DMD: variants seen among roughly 807,000 people sequenced by gnomAD.
DMD encodes mutant dystrophin.
In DMD, 63 loss-of-function variants were observed where a neutral mutation model predicts 330.1. That is an observed-to-expected ratio of 0.19 (90% CI 0.16 to 0.24). The LOEUF (loss-of-function observed/expected upper bound fraction) is 0.24. Among genes scored for constraint, DMD ranks in the 10% least tolerant of loss-of-function variants. The pLI is 1.00. For synonymous variants in DMD, 1,223 were observed against 959.8 expected (o/e 1.27, Z -5.07); for missense variants, 3,344 against 2,684.1 (o/e 1.25, Z -5.43).
chrX:31,611,648 G>A (rs1242498863), intron 55 of DMD, among the ~76,000 whole-genome samples: 1 of 111,269 alleles, frequency 9.0e-6, no homozygotes, highest in East Asian at 2.8e-4. Flanking sequence ...GCTTCCTCCA[G>A]TTCCTGGGTT....
At chrX:31,591,047 C>T (rs1050042788) in intron 55 of DMD, among the ~76,000 whole-genome samples, 4 of 111,366 alleles carry the variant, frequency 3.6e-5, no homozygotes, top group African/African-American at 9.8e-5. Context: ...AACTGAGTTG[C>T]GCTGTAAGAG....
At chrX:32,382,972 T>C (rs1448123678) in intron 33 of DMD, among the ~76,000 whole-genome samples, 4 of 111,150 alleles carry the variant, frequency 3.6e-5, no homozygotes, top group South Asian at 7.4e-4. Context: ...AATGTTTTAG[T>C]AGTCATTGTT....
chrX:31,782,660 T>A (rs923479967), intron 50 of DMD, among the ~76,000 whole-genome samples: 1 of 111,709 alleles, frequency 9.0e-6, no homozygotes, highest in Non-Finnish European at 1.9e-5. Context: ...CAGCAATAGA[T>A]AGCTGACACA....
chrX:31,372,080 G>C (rs2178618), intron 60 of DMD, among the ~76,000 whole-genome samples: 1 of 110,622 alleles, frequency 9.0e-6, no homozygotes, highest in African/African-American at 3.3e-5. Flanking sequence ...GAGCTTAATG[G>C]GGGTGCTGGT....
Position 31,121,442 on chromosome X carries a change from ATG to A in DMD, c.*475_*476del, listed in dbSNP as rs386416845. 3.6e-3 allele frequency: 459 copies of A among 126,079 alleles called. No individual in the cohort carries two copies. Among genetic ancestry groups the A allele is most frequent in the South Asian group, 7.6e-3 (33 of 4,317 alleles). 10.4% of individuals were successfully genotyped at this position (126,079 alleles called of 1,213,427 possible). On this transcript the variant is annotated 3_prime_UTR_variant, in exon 79 of 79. Transcript: ENST00000357033. ...CTCAAAGTTTTGTGTGTGTGTGTGT[ATG>A]TGTGTGTGTGTGTGTTTGTTTTGTT...
At chrX:32,282,053 T>C (rs1468297200) in intron 43 of DMD, among the ~76,000 whole-genome samples, 1 of 112,141 alleles carries the variant, frequency 8.9e-6, no homozygotes, top group Non-Finnish European at 1.9e-5. Flanking sequence ...AATAATGCCA[T>C]CTTATGGCTG....
intron 61 of DMD, among the ~76,000 whole-genome samples, chrX:31,336,869 A>G (rs750288240): frequency 2.7e-4 from 30 of 111,392 alleles, no homozygotes; most frequent in Non-Finnish European, 4.1e-4. Context: ...GCATATACAG[A>G]AAGAAGCAAA....
chrX:32,880,446 C>CA lies in DMD; in HGVS notation c.94-30627dup, dbSNP rs754809184. On this transcript the variant is annotated intron_variant, in intron 2 of 78. Transcript: ENST00000357033. ...TAAGTTTCTAGTCTATAGTTGATAT[C>CA]AATTTCAACCCCAATACAACCCTAG... is the stretch of plus-strand genomic sequence containing the variant. 7.5e-3 allele frequency among the ~76,000 whole-genome samples: 836 copies of CA among 111,476 alleles called. 3 individuals carry two copies. The highest frequency in any genetic ancestry group is 0.026 in the African/African-American group (786 of 30,690).
chrX:32,076,662 A>G (rs576886429), intron 44 of DMD, among the ~76,000 whole-genome samples: 3 of 111,861 alleles, frequency 2.7e-5, no homozygotes, highest in African/African-American at 9.7e-5. Context: ...TACAGGCGTG[A>G]GCCACCCTGC....
intron 1 of DMD, among the ~76,000 whole-genome samples, chrX:33,300,098 C>A (rs886537797): frequency 8.9e-6 from 1 of 112,288 alleles, no homozygotes; most frequent in Admixed American, 9.5e-5. Flanking sequence ...CCTATATATT[C>A]CCAGTGGAAA....
chrX:33,136,770 TTCTGCAGCAATAAA>T (rs2095530183), intron 1 of DMD, among the ~76,000 whole-genome samples: 1 of 110,721 alleles, frequency 9.0e-6, no homozygotes, highest in Non-Finnish European at 1.9e-5. Context: ...GCAGAAACAG[TTCTGCAGCAATAAA>T]TCTTCGTTGT....
chrX:31,201,158 TACACACACACACACACAC>T (rs57235865), intron 67 of DMD, among the ~76,000 whole-genome samples: 2 of 98,281 alleles, frequency 2.0e-5, no homozygotes, highest in Admixed American at 1.1e-4. Context: ...AGAGACCCTG[TACACACACACACACACAC>T]ACACACACAC....
chrX:32,866,326 T>C (rs1044303246), intron 2 of DMD, among the ~76,000 whole-genome samples: 6 of 112,551 alleles, frequency 5.3e-5, no homozygotes, highest in South Asian at 3.7e-4. Flanking sequence ...AATAGTATGT[T>C]GGTTGTTTTA....
intron 29 of DMD, among the ~76,000 whole-genome samples, chrX:32,436,196 A>G (rs1052154884): frequency 8.9e-6 from 1 of 111,793 alleles, no homozygotes; most frequent in Admixed American, 9.5e-5. Flanking sequence ...TTTCCATATT[A>G]GTTCCTTGTT....
chrX:32,636,855 G>A (rs964100935), intron 11 of DMD, among the ~76,000 whole-genome samples: 7 of 109,506 alleles, frequency 6.4e-5, no homozygotes, highest in Admixed American at 9.8e-5. Context: ...AAAGTTAGCC[G>A]AGCGTGGTGG....
intron 44 of DMD, among the ~76,000 whole-genome samples, chrX:32,033,125 C>T (rs1264355894): frequency 8.9e-6 from 1 of 111,957 alleles, no homozygotes; most frequent in Non-Finnish European, 1.9e-5. Flanking sequence ...ACAAGACAGA[C>T]ACAGACAAAT....
chrX:32,514,843 C>A (rs2045702193), intron 18 of DMD, among the ~76,000 whole-genome samples: 1 of 112,511 alleles, frequency 8.9e-6, no homozygotes, highest in Non-Finnish European at 1.9e-5. Context: ...ATGAGAGAAA[C>A]AACAGCTTTT....
At chrX:31,575,538 C>T (rs1396135635) in intron 55 of DMD, among the ~76,000 whole-genome samples, 3 of 111,883 alleles carry the variant, frequency 2.7e-5, no homozygotes, top group Admixed American at 1.9e-4. Context: ...AAGAAGGGCA[C>T]ATCAGGATTT....
At chrX:32,445,665 T>C (rs1163617105) in intron 27 of DMD, among the ~76,000 whole-genome samples, 2 of 110,486 alleles carry the variant, frequency 1.8e-5, no homozygotes, top group African/African-American at 6.5e-5. Context: ...GGTGTAGTTA[T>C]TGGAAAAATA....
Sources: allele counts gnomAD v4.1 joint callset (sites outside exome capture counted in the v4.1 genomes callset), GRCh38; gene constraint gnomAD v4.1.1; transcripts MANE v1.5; gene names NCBI Gene and HGNC (gene_info 2026-07-23, HGNC 2026-07-21).